ALKBH3: variants seen among roughly 807,000 people sequenced by gnomAD.
ALKBH3 encodes the protein alkB homolog 3, alpha-ketoglutarate dependent dioxygenase, also known as alpha-ketoglutarate-dependent dioxygenase alkB homolog 3.
Under a neutral mutation model 43.9 loss-of-function variants are expected in ALKBH3, and 51 were observed. That is an observed-to-expected ratio of 1.16 (90% CI 0.93 to 1.47). The LOEUF (loss-of-function observed/expected upper bound fraction) is 1.47, where lower values mean the gene tolerates loss of function less well. ALKBH3 is among the 40% of genes most tolerant of loss of function. The pLI is 0.00. For missense variants in ALKBH3, 361 were observed against 351.9 expected, an observed-to-expected ratio of 1.03 and a Z score of -0.21; for synonymous variants, 102 against 115.2, an observed-to-expected ratio of 0.89 and a Z score of 0.73.
At chr11:43,903,487 CTGAG>C (rs1951876273) in intron 8 of ALKBH3, among the ~76,000 whole-genome samples, 1 of 152,186 alleles carries the variant, frequency 6.6e-6, no homozygotes, top group Admixed American at 6.5e-5. Context: ...AGGAGTGGTC[CTGAG>C]ACCGGGGGCC....
At chr11:43,893,708 G>A (rs987449069) in intron 7 of ALKBH3, among the ~76,000 whole-genome samples, 3 of 152,130 alleles carry the variant, frequency 2.0e-5, no homozygotes, top group Admixed American at 2.0e-4. Flanking sequence ...CAAGGTGGAA[G>A]GATTGCTTGA....
At chr11:43,917,255 T>C (rs763657532) in intron 8 of ALKBH3, among the ~76,000 whole-genome samples, 2 of 152,232 alleles carry the variant, frequency 1.3e-5, no homozygotes, top group Non-Finnish European at 2.9e-5. Flanking sequence ...ACTTGTGAGG[T>C]GGATTCCTGC....
At chr11:43,899,955 G>T (rs1951849837) in intron 7 of ALKBH3, among the ~76,000 whole-genome samples, 1 of 150,888 alleles carries the variant, frequency 6.6e-6, no homozygotes, top group Admixed American at 6.6e-5. Flanking sequence ...ATTTGAAAAG[G>T]CTGTAAACTA....
chr11:43,892,195 A>G, intron 7 of ALKBH3, 66 bp downstream of exon 7: 1 of 1,341,002 alleles, frequency 7.5e-7, no homozygotes, highest in Non-Finnish European at 1.1e-6. Flanking sequence ...GTGCTATAAA[A>G]TAACAACAAA....
chr11:43,896,653 C>G (rs1951821154), intron 7 of ALKBH3, among the ~76,000 whole-genome samples: 1 of 152,154 alleles, frequency 6.6e-6, no homozygotes, highest in Non-Finnish European at 1.5e-5. Flanking sequence ...ACTTTGTATC[C>G]TTCAATCCAA....
intron 8 of ALKBH3, chr11:43,912,556 T>G (rs958949582): frequency 2.0e-5 from 3 of 152,206 alleles, no homozygotes; most frequent in Non-Finnish European, 4.4e-5. Flanking sequence ...TTTTTATAAG[T>G]GTCTTCTTAG....
At chr11:43,915,305 G>A (rs1257465122) in intron 8 of ALKBH3, among the ~76,000 whole-genome samples, 2 of 151,728 alleles carry the variant, frequency 1.3e-5, no homozygotes, top group African/African-American at 4.8e-5. Flanking sequence ...TTTCGTTACT[G>A]TCAGTTGATA....
At chr11:43,905,631 A>G (rs1951890861) in intron 8 of ALKBH3, among the ~76,000 whole-genome samples, 1 of 152,158 alleles carries the variant, frequency 6.6e-6, no homozygotes, top group Non-Finnish European at 1.5e-5. Flanking sequence ...AGACTAAGTG[A>G]AGGGCACCTT....
intron 7 of ALKBH3, among the ~76,000 whole-genome samples, chr11:43,901,117 A>T (rs1951860634): frequency 6.6e-6 from 1 of 152,196 alleles, no homozygotes; most frequent in South Asian, 2.1e-4. Context: ...GGGTCTGCTG[A>T]CTACCTAGTG....
At chr11:43,894,549 G>GA (rs1223363379) in intron 7 of ALKBH3, among the ~76,000 whole-genome samples, 4 of 151,600 alleles carry the variant, frequency 2.6e-5, no homozygotes, top group African/African-American at 9.7e-5. Flanking sequence ...AAATAACCCA[G>GA]AAAAAAAATA....
At chr11:43,918,917 A>G (rs1354547887) in intron 8 of ALKBH3, 121 bp from the exon 9 acceptor site, 10 of 731,122 alleles carry the variant, frequency 1.4e-5, no homozygotes, top group African/African-American at 1.2e-4. Flanking sequence ...TGACAGAGCT[A>G]TATATGGATT....
At chr11:43,904,213 A>G (rs1442289800) in intron 8 of ALKBH3, among the ~76,000 whole-genome samples, 2 of 152,358 alleles carry the variant, frequency 1.3e-5, no homozygotes, top group Admixed American at 6.5e-5. Context: ...AATCTGCGCT[A>G]TGACGATGGT....
At chr11:43,891,095 C>A (rs1295646863) in intron 6 of ALKBH3, among the ~76,000 whole-genome samples, 7 of 152,130 alleles carry the variant, frequency 4.6e-5, no homozygotes, top group Non-Finnish European at 5.9e-5. Context: ...GTGGAACCCA[C>A]AGATATGAAA....
chr11:43,882,795 T>C (rs1951721029), intron 2 of ALKBH3, 64 bp downstream of exon 2: 2 of 1,480,056 alleles, frequency 1.4e-6, no homozygotes, highest in Non-Finnish European at 1.8e-6. Flanking sequence ...CTTTTATTTA[T>C]ATCCTTTTGG....
chr11:43,883,316 A>G, intron 3 of ALKBH3, 128 bp downstream of exon 3: 2 of 636,490 alleles, frequency 3.1e-6, no homozygotes, highest in South Asian at 2.1e-5. Flanking sequence ...AACTATAATA[A>G]TAATGAAATG....
At position 43,920,036 on chromosome 11, in the gene ALKBH3, C is replaced by T. The variant is rs1018613792; in HGVS notation, c.*26C>T. ...CGTCAGAGCTTTGAGAGAGAAGCTT[C>T]ACTGAAACGGAGCAAACCTTCCACT... On this transcript the variant is annotated 3_prime_UTR_variant, in exon 10 of 10. Transcript: ENST00000302708. The T allele has an allele frequency of 3.1e-6, 5 of 1,594,674 alleles. No homozygotes were observed. Among genetic ancestry groups the T allele is most frequent in the Non-Finnish European group, 4.3e-6 (5 of 1,162,842 alleles).
intron 8 of ALKBH3, among the ~76,000 whole-genome samples, chr11:43,906,598 C>T (rs1450402582): frequency 6.6e-6 from 1 of 152,128 alleles, no homozygotes; most frequent in East Asian, 1.9e-4. Flanking sequence ...CCTGCAACCC[C>T]AGCACTTTGG....
chr11:43,883,649 TGC>T (rs751177409), intron 3 of ALKBH3, among the ~76,000 whole-genome samples: 133 of 152,350 alleles, frequency 8.7e-4, no homozygotes, highest in Non-Finnish European at 1.5e-3. Context: ...TTGGGTTTCT[TGC>T]CATAGTAACA....
chr11:43,914,204 G>A (rs1435385782), intron 8 of ALKBH3, among the ~76,000 whole-genome samples: 3 of 152,166 alleles, frequency 2.0e-5, no homozygotes, highest in African/African-American at 7.2e-5. Flanking sequence ...GAAAGAATAG[G>A]GCTTTAGAGC....
Sources: allele counts gnomAD v4.1 joint callset (sites outside exome capture counted in the v4.1 genomes callset), GRCh38; gene constraint gnomAD v4.1.1; transcripts MANE v1.5; gene names NCBI Gene and HGNC (gene_info 2026-07-23, HGNC 2026-07-21).